RUNX3: variants seen among roughly 807,000 people sequenced by gnomAD.
The protein encoded by RUNX3 is RUNX family transcription factor 3.
A neutral mutation model predicts 27.7 loss-of-function variants in RUNX3; 10 were observed. That is an observed-to-expected ratio of 0.36 (90% confidence interval 0.22 to 0.61). The LOEUF (loss-of-function observed/expected upper bound fraction) is 0.61. RUNX3 is among the 20% of genes least tolerant of loss of function. The pLI, the probability that RUNX3 is intolerant of heterozygous loss-of-function variation, is 0.72. For synonymous variants in RUNX3, 270 were observed against 269.2 expected, an observed-to-expected ratio of 1.00 and a Z score of -0.03; for missense variants, 469 against 629.5, an observed-to-expected ratio of 0.75 and a Z score of 2.73.
chr1:24,964,982 G>A (rs987961579), exon 1 of RUNX3: 38 of 256,462 alleles, frequency 1.5e-4, no homozygotes, highest in Non-Finnish European at 2.1e-4. Flanking sequence ...AGAGTGGGCC[G>A]CCTCCAGTGC....
chr1:24,960,970 C>T (rs151040023), intron 2 of RUNX3, among the ~76,000 whole-genome samples: 1 of 152,176 alleles, frequency 6.6e-6, no homozygotes, highest in Non-Finnish European at 1.5e-5. Context: ...ACCTTCCATT[C>T]CAGCTTCTAG....
chr1:24,927,740 C>G lies in RUNX3; in HGVS notation c.283-10G>C. 3 of 1,602,504 alleles carry G rather than the reference C, an allele frequency of 1.9e-6. No individual in the cohort carries two copies. Among genetic ancestry groups the G allele is most frequent in the Non-Finnish European group, 2.6e-6 (3 of 1,173,252 alleles). On this transcript the variant is annotated splice_polypyrimidine_tract_variant and intron_variant, in intron 1 of 4. Coordinates refer to ENST00000308873, the MANE Select transcript of RUNX3 (RefSeq NM_004350.3). The surrounding 1 kb of genome is among the most constrained non-coding windows in gnomAD (Gnocchi z 5.0). ...CCCCCAATGCCACCACCTGAAGACA[C>G]GGGGCGGGGGGATGCAGGGGGACAG...
chr1:24,936,308 A>G (rs1343078580), intron 2 of RUNX3, among the ~76,000 whole-genome samples: 2 of 152,220 alleles, frequency 1.3e-5, no homozygotes, highest in African/African-American at 4.8e-5. Flanking sequence ...AGAGAGCTCA[A>G]GTAACTTGTC....
intron 2 of RUNX3, among the ~76,000 whole-genome samples, chr1:24,936,870 TGTG>T (rs1456396054): frequency 1.3e-5 from 2 of 152,138 alleles, no homozygotes; most frequent in Admixed American, 1.3e-4. Context: ...CTCTATTTCA[TGTG>T]GTGGTGAAAG....
intron 2 of RUNX3, among the ~76,000 whole-genome samples, chr1:24,953,174 G>A (rs560553130): frequency 6.6e-6 from 1 of 152,070 alleles, no homozygotes; most frequent in South Asian, 2.1e-4. Flanking sequence ...AGACCATCCT[G>A]GCTAACACAG....
rs16830142 is a variant in RUNX3 at position 24,914,110 on chromosome 1, C to T, written c.544+5130G>A. On this transcript the variant is annotated intron_variant, in intron 3 of 4. Transcript: ENST00000308873. ...CATGGAGCTCAGCTGCTAAGGTCATCGCTTCCCAAGACCTCCATGAGAGAA... is the reference window on the plus strand; with the variant it reads ...CATGGAGCTCAGCTGCTAAGGTCATTGCTTCCCAAGACCTCCATGAGAGAA... 1.1e-3 allele frequency among the ~76,000 whole-genome samples: 169 copies of T among 152,376 alleles called. 2 individuals are homozygous for T. Among genetic ancestry groups the T allele is most frequent in the Admixed American group, 5.4e-3 (82 of 15,310 alleles).
Position 24,943,056 on chromosome 1 carries a change from T to C in RUNX3, c.59-13204A>G, listed in dbSNP as rs1242001119. Among the ~76,000 whole-genome samples the C allele has an allele frequency of 3.3e-5, 5 of 152,202 alleles. No individual in the cohort carries two copies. The highest frequency in any genetic ancestry group is 9.7e-5 in the African/African-American group (4 of 41,444). On this transcript the variant is annotated intron_variant, in intron 2 of 6. Transcript: ENST00000338888. The surrounding 1 kb of genome is among the most constrained non-coding windows in gnomAD (Gnocchi z 4.6). ...GGAGCGGAAGGCGCCCAGCCCTGAT[T>C]GGAACAAGGTGGCAGCACCGGGAGC...
chr1:24,921,864 T>C (rs1057091944), intron 2 of RUNX3, among the ~76,000 whole-genome samples: 54 of 152,214 alleles, frequency 3.5e-4, no homozygotes, highest in African/African-American at 1.2e-3. Flanking sequence ...ACAGCAGCAT[T>C]TGAAAGCTTA....
chr1:24,948,025 G>T (rs1292555840), intron 2 of RUNX3, among the ~76,000 whole-genome samples: 1 of 152,238 alleles, frequency 6.6e-6, no homozygotes, highest in African/African-American at 2.4e-5. Context: ...CATCACTGAG[G>T]CTTCTCCCAG....
chr1:24,936,948 GA>G (rs1250206115), intron 2 of RUNX3, among the ~76,000 whole-genome samples: 1 of 152,042 alleles, frequency 6.6e-6, no homozygotes, highest in Non-Finnish European at 1.5e-5. Context: ...CCTTGGAAAA[GA>G]AAAAAAAGTG....
At position 24,902,725 on chromosome 1, in the gene RUNX3, T is replaced by A; in HGVS notation, c.704-59A>T. 1 of 1,413,476 alleles carries A rather than the reference T, an allele frequency of 7.1e-7. No individual in the cohort carries two copies. Among genetic ancestry groups the A allele is most frequent in the Non-Finnish European group, 9.5e-7 (1 of 1,056,352 alleles). 87.6% of individuals were successfully genotyped at this position (1,413,476 alleles called of 1,614,324 possible). ...TCGAGACAACCCCAGGAGGGCTTCC[T>A]GAAGAATGACCTTGGGCTCTGGTTC... is the stretch of plus-strand genomic sequence containing the variant. On this transcript the variant is annotated intron_variant, in intron 4 of 4. Transcript: ENST00000308873. This position sits in a 1 kb window ranked among gnomAD's most constrained non-coding sequence, Gnocchi z 9.2.
Position 24,930,074 on chromosome 1 carries a change from C to T in RUNX3, c.-206G>A, listed in dbSNP as rs1208405408. 1 of 980,282 alleles carries T rather than the reference C, an allele frequency of 1.0e-6. No homozygotes were observed. Among genetic ancestry groups the T allele is most frequent in the African/African-American group, 1.8e-5 (1 of 56,802 alleles). 60.7% of individuals were successfully genotyped at this position (980,282 alleles called of 1,614,324 possible). A position where few individuals can be genotyped will look rare whatever the true frequency, so the allele number is the denominator to read the frequency against. On this transcript the variant is annotated 5_prime_UTR_variant, in exon 1 of 5. Coordinates refer to ENST00000308873, the MANE Select transcript of RUNX3 (RefSeq NM_004350.3). This position sits in a 1 kb window ranked among gnomAD's most constrained non-coding sequence, Gnocchi z 4.1. ...CGAGGCCTCGCTGGCCCGACGGCCGCCCGCAGCCTGCCCGGCTAGTCCCGC... is the reference window on the plus strand; with the variant it reads ...CGAGGCCTCGCTGGCCCGACGGCCGTCCGCAGCCTGCCCGGCTAGTCCCGC...
rs1288356431 is a variant in RUNX3 at position 24,901,942 on chromosome 1, T to C, written c.*180A>G. 4 of 591,144 alleles carry C rather than the reference T, an allele frequency of 6.8e-6. No individual in the cohort carries two copies. Among genetic ancestry groups the C allele is most frequent in the Non-Finnish European group, 1.2e-5 (4 of 343,626 alleles). The allele number at this position is 591,144 out of a possible 1,614,324, so 36.6% of individuals were successfully genotyped here. A position where few individuals can be genotyped will look rare whatever the true frequency, so the allele number is the denominator to read the frequency against. ...GGGTGGGGGTGGTAACCTATGCCTCTGTACAAGGATGTGGCTGCACAGATG... is the reference window on the plus strand; with the variant it reads ...GGGTGGGGGTGGTAACCTATGCCTCCGTACAAGGATGTGGCTGCACAGATG... On this transcript the variant is annotated 3_prime_UTR_variant, in exon 5 of 5. Transcript: ENST00000308873.
intron 4 of RUNX3, among the ~76,000 whole-genome samples, chr1:24,903,267 C>T (rs911787626): frequency 2.6e-5 from 4 of 152,328 alleles, no homozygotes; most frequent in African/African-American, 9.6e-5. Context: ...AGGTGCAGCA[C>T]GCGGAGGTTC....
intron 2 of RUNX3, among the ~76,000 whole-genome samples, chr1:24,951,091 A>G (rs1280702023): frequency 2.6e-5 from 4 of 151,342 alleles, no homozygotes; most frequent in Admixed American, 2.6e-4. Context: ...CTGTAATCCC[A>G]GCTACTCGGA....
chr1:24,905,602 GC>G (rs1640648910), intron 4 of RUNX3, among the ~76,000 whole-genome samples: 1 of 152,230 alleles, frequency 6.6e-6, no homozygotes, highest in Non-Finnish European at 1.5e-5. Flanking sequence ...AGCTGTGCCT[GC>G]CGTGGGGCCA....
intron 1 of RUNX3, chr1:24,929,185 C>G (rs778038301): frequency 2.1e-6 from 1 of 482,130 alleles, no homozygotes; most frequent in African/African-American, 2.0e-5. Context: ...GTGCTGGAGG[C>G]GGAGGGTAGG....
intron 2 of RUNX3, among the ~76,000 whole-genome samples, chr1:24,954,600 C>G (rs998200719): frequency 9.9e-5 from 15 of 152,134 alleles, no homozygotes; most frequent in Non-Finnish European, 1.6e-4. Flanking sequence ...TGCACTGTGC[C>G]CTGAAAATCA....
chr1:24,957,712 G>A (rs940677048), intron 2 of RUNX3, among the ~76,000 whole-genome samples: 1 of 152,212 alleles, frequency 6.6e-6, no homozygotes, highest in African/African-American at 2.4e-5. Flanking sequence ...TCTGTGCCGG[G>A]CCCTGTGCTG....
Sources: gnomAD v4.1 joint callset for allele counts (sites outside exome capture counted in the v4.1 genomes callset) on GRCh38, gnomAD v4.1.1 for gene constraint, Gnocchi (gnomAD v3.1) non-coding constraint, MANE v1.5 for transcripts, NCBI Gene and HGNC (gene_info 2026-07-23, HGNC 2026-07-21) for gene names.